The following USP42 variants were observed in gnomAD, a reference collection of about 807,000 sequenced individuals.
USP42 encodes ubiquitin carboxyl-terminal hydrolase 42.
USP42 carries 23 observed loss-of-function variants against 113.0 expected under a neutral mutation model. That is an observed-to-expected ratio of 0.20 (90% confidence interval 0.15 to 0.29). The LOEUF (loss-of-function observed/expected upper bound fraction) is 0.29. Ranked by LOEUF, USP42 falls within the 10% of genes least tolerant of loss-of-function variation. USP42 has a pLI of 1.00. For synonymous variants in USP42, 933 were observed against 699.0 expected (o/e 1.33, Z -5.28); for missense variants, 2,174 against 1,779.8 (o/e 1.22, Z -3.99).
chr7:6,103,365 T>C (rs180992406), upstream of USP42, among the ~76,000 whole-genome samples: 5 of 150,662 alleles, frequency 3.3e-5, no homozygotes, highest in Admixed American at 2.6e-4. Flanking sequence ...GGTGAAACTC[T>C]GTCTCTACAA....
At chr7:6,106,936 A>G (rs1340836249) in intron 1 of USP42, among the ~76,000 whole-genome samples, 7 of 152,368 alleles carry the variant, frequency 4.6e-5, no homozygotes, top group Non-Finnish European at 1.5e-5. Context: ...AAGTTCTGAT[A>G]TTTGTAACAG....
At chr7:6,123,026 G>C (rs550476802) in intron 3 of USP42, among the ~76,000 whole-genome samples, 6 of 150,986 alleles carry the variant, frequency 4.0e-5, no homozygotes, top group East Asian at 2.0e-4. Context: ...GGTTTCGCCC[G>C]TGTTGGCTAG....
In USP42 at chr7:6,114,678, A is replaced by ATATAT. The variant is rs1241045063; in HGVS notation, c.242-644_242-643insATATT. Among the ~76,000 whole-genome samples, 33 of 18,890 alleles carry ATATAT rather than the reference A, an allele frequency of 1.7e-3. 1 individual carries two copies. Among genetic ancestry groups the ATATAT allele is most frequent in the African/African-American group, 0.011 (33 of 2,892 alleles). 12.4% of individuals were successfully genotyped at this position (18,890 alleles called of 152,430 possible). A position where few individuals can be genotyped will look rare whatever the true frequency, so the allele number is the denominator to read the frequency against. ...TGTGTATATATATATATATATATAT[A>ATATAT]TTTTTTTTTTTTTTTTTTTTTTTTT... is the stretch of plus-strand genomic sequence containing the variant. On this transcript the variant is annotated intron_variant, in intron 2 of 17. Transcript: ENST00000306177.
chr7:6,108,463 G>A (rs561355324), intron 1 of USP42, among the ~76,000 whole-genome samples: 1 of 152,256 alleles, frequency 6.6e-6, no homozygotes, highest in East Asian at 1.9e-4. Context: ...AGCATGGGTA[G>A]TACTTTTTTG....
intron 1 of USP42, among the ~76,000 whole-genome samples, chr7:6,108,629 C>G (rs1012942042): frequency 6.6e-6 from 1 of 152,104 alleles, no homozygotes; most frequent in Non-Finnish European, 1.5e-5. Flanking sequence ...TACAGACACG[C>G]ACCACCATGC....
intron 3 of USP42, among the ~76,000 whole-genome samples, chr7:6,117,955 C>A (rs942891591): frequency 2.6e-5 from 4 of 152,036 alleles, no homozygotes; most frequent in African/African-American, 9.7e-5. Flanking sequence ...TTAGAGAGTT[C>A]TTTATATATC....
the USP42 span, among the ~76,000 whole-genome samples, chr7:6,087,311 G>GAA: frequency 6.8e-6 from 1 of 147,636 alleles, no homozygotes; most frequent in South Asian, 2.1e-4. Context: ...GATTACAGAC[G>GAA]TGAGCCACCG....
At chr7:6,121,349 A>G (rs755813106) in intron 3 of USP42, among the ~76,000 whole-genome samples, 3 of 152,186 alleles carry the variant, frequency 2.0e-5, no homozygotes, top group Admixed American at 6.5e-5. Context: ...CATTCCTGAG[A>G]TGACTCACAC....
At chr7:6,124,047 T>C (rs1057258765) in intron 3 of USP42, among the ~76,000 whole-genome samples, 1 of 152,114 alleles carries the variant, frequency 6.6e-6, no homozygotes. Context: ...GGCTAACTTT[T>C]GTATTTTTAG....
the USP42 span, among the ~76,000 whole-genome samples, chr7:6,097,053 C>G: frequency 6.6e-6 from 1 of 150,840 alleles, no homozygotes; most frequent in Non-Finnish European, 1.5e-5. Context: ...ACTACAGGCA[C>G]ATGCCACCAT....
intron 3 of USP42, among the ~76,000 whole-genome samples, chr7:6,123,078 G>A (rs926309855): frequency 6.7e-6 from 1 of 150,072 alleles, no homozygotes; most frequent in Non-Finnish European, 1.5e-5. Flanking sequence ...CACCTGCCTC[G>A]GCCTCCCAAA....
chr7:6,114,453 C>G (rs1779766382), intron 2 of USP42, among the ~76,000 whole-genome samples: 1 of 151,798 alleles, frequency 6.6e-6, no homozygotes, highest in Admixed American at 6.6e-5. Context: ...ACCTCCTTAT[C>G]TCCCCACGAC....
intron 6 of USP42, 139 bp downstream of exon 6, chr7:6,140,334 G>A: frequency 1.3e-6 from 1 of 763,970 alleles, no homozygotes; most frequent in Non-Finnish European, 2.1e-6. Flanking sequence ...TTTACCCAGA[G>A]GCAGCCTCGG....
At chr7:6,097,158 G>C in the USP42 span, among the ~76,000 whole-genome samples, 2 of 150,836 alleles carry the variant, frequency 1.3e-5, no homozygotes, top group East Asian at 3.9e-4. Flanking sequence ...CCTGTTATTA[G>C]CCCTGGCTTA....
the USP42 span, among the ~76,000 whole-genome samples, chr7:6,096,592 T>C: frequency 6.6e-6 from 1 of 151,358 alleles, no homozygotes; most frequent in Non-Finnish European, 1.5e-5. Flanking sequence ...GGTGACTGCA[T>C]TCCATCCAAG....
chr7:6,095,742 G>T, the USP42 span, among the ~76,000 whole-genome samples: 2 of 150,918 alleles, frequency 1.3e-5, no homozygotes, highest in South Asian at 4.1e-4. Flanking sequence ...ACTTGCATGG[G>T]ATCTGGCTTC....
intron 8 of USP42, among the ~76,000 whole-genome samples, chr7:6,143,805 G>C (rs1318026525): frequency 6.6e-6 from 1 of 152,056 alleles, no homozygotes; most frequent in East Asian, 1.9e-4. Context: ...GAATTGAGAG[G>C]AAGTTGTGTT....
the USP42 span, among the ~76,000 whole-genome samples, chr7:6,083,826 T>C: frequency 6.6e-6 from 1 of 150,690 alleles, no homozygotes; most frequent in African/African-American, 2.5e-5. Flanking sequence ...AATCTGCATA[T>C]TCAGAGCTGT....
In USP42 at chr7:6,156,671, A is replaced by T. The variant is rs1483178275; in HGVS notation, c.3642-83A>T. On this transcript the variant is annotated intron_variant, in intron 15 of 17. Coordinates refer to ENST00000306177, the MANE Select transcript of USP42 (RefSeq NM_032172.3). Reference sequence around the variant, plus strand: ...TCTGCACAGTGAATGTTCTCGGTGAATGGGTGGAAAGGCCAAGCTCCAGGG... The same window carrying T: ...TCTGCACAGTGAATGTTCTCGGTGATTGGGTGGAAAGGCCAAGCTCCAGGG... 12 of 1,450,894 alleles carry T rather than the reference A, an allele frequency of 8.3e-6. No homozygotes were observed. In the East Asian group the frequency reaches 1.0e-4, roughly 12 times the overall value. The allele number at this position is 1,450,894 out of a possible 1,614,324, so 89.9% of individuals were successfully genotyped here. A position where few individuals can be genotyped will look rare whatever the true frequency, so the allele number is the denominator to read the frequency against.
Sources: allele counts gnomAD v4.1 joint callset (sites outside exome capture counted in the v4.1 genomes callset), GRCh38; gene constraint gnomAD v4.1.1; transcripts MANE v1.5; gene names NCBI Gene and HGNC (gene_info 2026-07-23, HGNC 2026-07-21).